The following DNAH10 variants were observed in gnomAD, a reference collection of about 807,000 sequenced individuals.
DNAH10 encodes axonemal beta dynein heavy chain 10.
In DNAH10, 348 loss-of-function variants were observed where a neutral mutation model predicts 506.6. The observed-to-expected ratio is 0.69, with a 90% confidence interval of 0.63 to 0.75. DNAH10 has a LOEUF of 0.75. Among genes scored for constraint, DNAH10 ranks in the 30% least tolerant of loss-of-function variants. DNAH10 has a pLI of 0.00. For synonymous variants in DNAH10, 2,059 were observed against 2,198.6 expected (o/e 0.94, Z 1.78); for missense variants, 5,179 against 5,787.1 (o/e 0.89, Z 3.41).
chr12:123,833,488 C>G, intron 27 of DNAH10, 141 bp downstream of exon 27: 1 of 693,436 alleles, frequency 1.4e-6, no homozygotes, highest in Non-Finnish European at 2.4e-6. Flanking sequence ...ACTTTTTTGT[C>G]TTGATTTATT....
rs1287151952 is a variant in DNAH10 at position 123,907,205 on chromosome 12, C to T, written c.9816-2056C>T. On this transcript the variant is annotated intron_variant, in intron 57 of 78. Coordinates refer to ENST00000673944, the MANE Select transcript of DNAH10 (RefSeq NM_001372106.1). The surrounding 1 kb of genome is among the most constrained non-coding windows in gnomAD (Gnocchi z 4.4). ...TCTGACAGTGGATGTTGGGACCTGACCTAGTCATGGTCATGGAGGGCGGAG... is the reference window on the plus strand; with the variant it reads ...TCTGACAGTGGATGTTGGGACCTGATCTAGTCATGGTCATGGAGGGCGGAG... 6.6e-6 allele frequency among the ~76,000 whole-genome samples: 1 copy of T among 152,154 alleles called. No homozygotes were observed. The highest frequency in any genetic ancestry group is 1.5e-5 in the Non-Finnish European group (1 of 68,030).
chr12:123,895,752 A>G (rs1001064790), intron 54 of DNAH10, among the ~76,000 whole-genome samples: 10 of 152,148 alleles, frequency 6.6e-5, no homozygotes, highest in African/African-American at 2.4e-4. Context: ...TGCTTTCAGT[A>G]TTCAGTGATT....
intron 5 of DNAH10, among the ~76,000 whole-genome samples, chr12:123,777,350 G>A (rs866120447): frequency 3.3e-5 from 5 of 152,248 alleles, no homozygotes; most frequent in Non-Finnish European, 5.9e-5. Flanking sequence ...CACTGAAGAA[G>A]GGAGGGGCCC....
Position 123,907,817 on chromosome 12 carries a change from C to A in DNAH10, c.9816-1444C>A, listed in dbSNP as rs926952880. ...CTTTTAAAGACACTTGACAGCCCCG[C>A]CGCTTTCCTAAGCAGCCAACACCAG... On this transcript the variant is annotated intron_variant, in intron 57 of 78. Coordinates refer to ENST00000673944, the MANE Select transcript of DNAH10 (RefSeq NM_001372106.1). The surrounding 1 kb of genome is among the most constrained non-coding windows in gnomAD (Gnocchi z 4.4). Among the ~76,000 whole-genome samples, 12 of 152,206 alleles carry A rather than the reference C, an allele frequency of 7.9e-5. No homozygotes were observed. The highest frequency in any genetic ancestry group is 1.2e-4 in the Non-Finnish European group (8 of 68,046).
Position 123,917,785 on chromosome 12 carries a change from TG to T in DNAH10, c.11206del (p.Glu3736ArgfsTer51). On this transcript the variant is annotated frameshift_variant, in exon 64 of 79. Transcript: ENST00000673944. LOFTEE classifies it high-confidence loss of function. This position sits in a 1 kb window ranked among gnomAD's most constrained non-coding sequence, Gnocchi z 5.6. ...GACAATGTGGACCTGGTGCACACCC[TG>T]GAGGAGACCAAATCCAAGGCAACAG... is the stretch of plus-strand genomic sequence containing the variant. ...MLDNVDLVHT[L>X]EETKSKATEV... 6.3e-7 allele frequency: 1 copy of T among 1,575,204 alleles called. No individual in the cohort carries two copies. The highest frequency in any genetic ancestry group is 8.6e-7 in the Non-Finnish European group (1 of 1,160,740).
chr12:123,791,798 T>C (rs2136225504), intron 11 of DNAH10, among the ~76,000 whole-genome samples: 1 of 152,248 alleles, frequency 6.6e-6, no homozygotes, highest in Middle Eastern at 3.4e-3. Context: ...CTTGAACTCC[T>C]GGCCTCAAGT....
At chr12:123,866,447 G>A (rs754744221) in intron 41 of DNAH10, among the ~76,000 whole-genome samples, 2 of 151,632 alleles carry the variant, frequency 1.3e-5, no homozygotes, top group African/African-American at 2.4e-5. Context: ...GTTTCACCGT[G>A]TTAGCCAGGA....
rs751620771 is a variant in DNAH10 at position 123,893,298 on chromosome 12, G to A, written c.9061G>A (p.Ala3021Thr). ...TATCCTGAGTCAGATTGGACAGGAA[G>A]CTCTGAAGCAAGGCATGGGGCCGGC... The part of the protein sequence containing the change: ...ESILSQIGQE[A>T]LKQGMGPAKE... The change falls in exon 53 of 79, where the codon GCT becomes ACT. Residue 3021 changes from alanine to threonine, a missense_variant. Physicochemically the swap from Ala to Thr is moderately conservative, Grantham distance 58. Transcript: ENST00000673944. 1.2e-6 allele frequency: 2 copies of A among 1,614,070 alleles called. No homozygotes were observed. The highest frequency in any genetic ancestry group is 2.2e-5 in the South Asian group (2 of 91,086).
chr12:123,770,974 C>CT (rs33920942), intron 2 of DNAH10, among the ~76,000 whole-genome samples: 69,158 of 126,228 alleles, frequency 0.55, 20,766 homozygotes, highest in East Asian at 0.83. Context: ...AGCTGTAATT[C>CT]TTTTTTTTTT....
chr12:123,788,088 C>T (rs1957934103), intron 10 of DNAH10, 86 bp downstream of exon 10: 5 of 1,470,944 alleles, frequency 3.4e-6, no homozygotes, highest in South Asian at 1.2e-5. Flanking sequence ...CAGGTAGGAG[C>T]TGGGCGTCAG....
intron 46 of DNAH10, among the ~76,000 whole-genome samples, chr12:123,875,027 A>G (rs1029593798): frequency 6.6e-6 from 1 of 152,192 alleles, no homozygotes; most frequent in Non-Finnish European, 1.5e-5. Context: ...AAGCTGTAGT[A>G]TCGTAAGGGA....
intron 6 of DNAH10, among the ~76,000 whole-genome samples, chr12:123,781,786 C>A (rs1031448181): frequency 6.6e-6 from 1 of 152,110 alleles, no homozygotes; most frequent in Non-Finnish European, 1.5e-5. Context: ...TTTTTGAATA[C>A]ATTTTTCTTC....
At position 123,785,763 on chromosome 12, in the gene DNAH10, T is replaced by C. The variant is rs138303428; in HGVS notation, c.1248T>C (p.Ser416=). The change falls in exon 9 of 79, where the codon TCT becomes TCC. Residue 416 remains serine, a synonymous_variant. Coordinates refer to ENST00000673944, the MANE Select transcript of DNAH10 (RefSeq NM_001372106.1). This position sits in a 1 kb window ranked among gnomAD's most constrained non-coding sequence, Gnocchi z 4.1. ...ERYFKNITHG[S]GFHVVLDTIP... ...TTGGTCAGAACATAACGCACGGGTC[T>C]GGCTTCCACGTGGTCCTGGACACCA... The C allele has an allele frequency of 2.5e-6, 4 of 1,613,222 alleles. No homozygotes were observed. The highest frequency in any genetic ancestry group is 3.4e-6 in the Non-Finnish European group (4 of 1,179,232).
rs1951982460 is a variant in DNAH10 at position 123,870,434 on chromosome 12, T to C, written c.7588T>C (p.Leu2530=). 1 of 1,613,882 alleles carries C rather than the reference T, an allele frequency of 6.2e-7. No homozygotes were observed. The highest frequency in any genetic ancestry group is 8.5e-7 in the Non-Finnish European group (1 of 1,179,866). The change falls in exon 44 of 79, where the codon TTA becomes CTA. Residue 2530 remains leucine, a synonymous_variant. Coordinates refer to ENST00000673944, the MANE Select transcript of DNAH10 (RefSeq NM_001372106.1). ...KRNQWVPWSK[L]VPEYIHAPER... is the part of the protein sequence containing the mutation. ...GAATCAATGGGTCCCATGGAGTAAATTAGTTCCAGAGTATATTCATGCCCC... is the reference window on the plus strand; with the variant it reads ...GAATCAATGGGTCCCATGGAGTAAACTAGTTCCAGAGTATATTCATGCCCC...
intron 24 of DNAH10, among the ~76,000 whole-genome samples, chr12:123,821,708 T>G (rs1354848554): frequency 1.3e-5 from 2 of 152,088 alleles, no homozygotes. Flanking sequence ...AGAAAAGAAC[T>G]CTCTTTGGAG....
rs1368614996 is a variant in DNAH10 at position 123,851,013 on chromosome 12, C to T, written c.6228C>T (p.Ile2076=). ...CGCTGTTCAGGCCTGTGGTCGTGATCGTGCCCGACCTGCAGCAGATCTGTG... is the reference window on the plus strand; with the variant it reads ...CGCTGTTCAGGCCTGTGGTCGTGATTGTGCCCGACCTGCAGCAGATCTGTG... ...VKALFRPVVV[I]VPDLQQICEI... is the part of the protein sequence containing the mutation. The change falls in exon 35 of 79, where the codon ATC becomes ATT. Residue 2076 remains isoleucine, a synonymous_variant. Transcript: ENST00000673944. 12 of 1,613,642 alleles carry T rather than the reference C, an allele frequency of 7.4e-6. No homozygotes were observed. Among genetic ancestry groups the T allele is most frequent in the East Asian group, 2.2e-5 (1 of 44,894 alleles).
chr12:123,898,312 G>A (rs1481132607), intron 55 of DNAH10, among the ~76,000 whole-genome samples: 4 of 152,174 alleles, frequency 2.6e-5, no homozygotes, highest in Non-Finnish European at 5.9e-5. Flanking sequence ...CTGGGTTCAC[G>A]TGCTCCTCCC....
At chr12:123,781,329 A>C in intron 6 of DNAH10, 30 bp downstream of exon 6, 2 of 1,581,544 alleles carry the variant, frequency 1.3e-6, no homozygotes, top group Non-Finnish European at 1.7e-6. Flanking sequence ...CTTTTTAGTT[A>C]AGAATGATTA....
chr12:123,870,174 T>G (rs2136956466), intron 43 of DNAH10, among the ~76,000 whole-genome samples, 192 bp from the exon 44 acceptor site: 1 of 152,304 alleles, frequency 6.6e-6, no homozygotes, highest in East Asian at 1.9e-4. Flanking sequence ...TCCAAATACT[T>G]GGCATCTGTC....
Sources: gnomAD v4.1 joint callset for allele counts (sites outside exome capture counted in the v4.1 genomes callset) on GRCh38, gnomAD v4.1.1 for gene constraint, Gnocchi (gnomAD v3.1) non-coding constraint, MANE v1.5 for transcripts, NCBI Gene and HGNC (gene_info 2026-07-23, HGNC 2026-07-21) for gene names.